The following NUDT6 variants were observed in gnomAD, a reference collection of about 807,000 sequenced individuals.
NUDT6 encodes nudix hydrolase 6.
In NUDT6, 24 loss-of-function variants were observed where a neutral mutation model predicts 36.8. That is an observed-to-expected ratio of 0.65 (90% CI 0.47 to 0.92). The LOEUF (loss-of-function observed/expected upper bound fraction) is 0.92, where lower values mean the gene tolerates loss of function less well. Ranked by LOEUF, NUDT6 falls within the 40% of genes least tolerant of loss-of-function variation. The pLI is 0.00. For synonymous variants in NUDT6, 163 were observed against 157.0 expected, an observed-to-expected ratio of 1.04 and a Z score of -0.29; for missense variants, 388 against 392.8, an observed-to-expected ratio of 0.99 and a Z score of 0.10.
intron 3 of NUDT6, among the ~76,000 whole-genome samples, chr4:122,907,425 G>A (rs897397170): frequency 2.7e-5 from 4 of 148,800 alleles, no homozygotes; most frequent in Admixed American, 6.8e-5. Flanking sequence ...ACCAGCCACC[G>A]CACCTGGCCT....
At chr4:122,904,577 C>T (rs1260999954) in intron 3 of NUDT6, among the ~76,000 whole-genome samples, 1 of 152,118 alleles carries the variant, frequency 6.6e-6, no homozygotes, top group African/African-American at 2.4e-5. Context: ...CTGCCTCAGC[C>T]TTCCAAGTAG....
At chr4:122,920,869 A>G (rs1408755678) in intron 1 of NUDT6, 1 of 152,266 alleles carries the variant, frequency 6.6e-6, no homozygotes. Flanking sequence ...GGGAATGAGG[A>G]TGAGTAAACA....
chr4:122,922,198 G>A, intron 1 of NUDT6, 137 bp downstream of exon 1: 2 of 671,492 alleles, frequency 3.0e-6, no homozygotes, highest in Non-Finnish European at 4.7e-6. Context: ...CAGAAAACAG[G>A]TCCAGGTCAC....
chr4:122,903,742 T>C (rs565678307), intron 3 of NUDT6, among the ~76,000 whole-genome samples: 2 of 152,334 alleles, frequency 1.3e-5, no homozygotes, highest in East Asian at 3.9e-4. Context: ...TCGTGGTTCC[T>C]GTGAGTATCA....
chr4:122,904,972 C>G (rs1003788328), intron 3 of NUDT6, among the ~76,000 whole-genome samples: 1 of 152,108 alleles, frequency 6.6e-6, no homozygotes, highest in Non-Finnish European at 1.5e-5. Flanking sequence ...TGGCACAGAC[C>G]CAAAGAGCGA....
rs1484986322 is a variant in NUDT6 at position 122,912,613 on chromosome 4, A to T, written c.453T>A (p.Phe151Leu). ...CCAGTATTTTTCTAGTACTTTCATC[A>T]AATACAGCTCCTATTAGGGGAAAAA... ...SHQVGVAGAV[F>L]DESTRKILVV... The change falls in exon 3 of 5, where the codon TTT becomes TTA. Residue 151 changes from phenylalanine (F) to leucine (L), a missense_variant. By Grantham distance (22) the Phe-to-Leu change is conservative. Transcript: ENST00000304430. 5.1e-6 allele frequency: 8 copies of T among 1,575,490 alleles called. No individual in the cohort carries two copies. Among genetic ancestry groups the T allele is most frequent in the Non-Finnish European group, 7.0e-6 (8 of 1,145,712 alleles).
intron 3 of NUDT6, among the ~76,000 whole-genome samples, chr4:122,901,061 T>A (rs893632598): frequency 6.6e-6 from 1 of 152,194 alleles, no homozygotes; most frequent in Non-Finnish European, 1.5e-5. Context: ...ATGATCCTTT[T>A]TTTTCCTAAT....
chr4:122,918,006 AAT>A lies in NUDT6; in HGVS notation c.239-304_239-303del, dbSNP rs1334877893. ...ATGTTCTGTAGTTTTAGAGTGGACAAATAAAAGGATTTAAACCGAATCAAATA... is the reference window on the plus strand; with the variant it reads ...ATGTTCTGTAGTTTTAGAGTGGACAAAAAAGGATTTAAACCGAATCAAATA... On this transcript the variant is annotated intron_variant, in intron 1 of 4. Coordinates refer to ENST00000304430, the MANE Select transcript of NUDT6 (RefSeq NM_007083.5). 1.9e-5 allele frequency: 6 copies of A among 319,338 alleles called. No individual in the cohort carries two copies. The Admixed American group carries it at 2.8e-4, about 15-fold the overall frequency. The allele number at this position is 319,338 out of a possible 1,614,324, so 19.8% of individuals were successfully genotyped here.
chr4:122,899,722 T>G (rs1429726657), intron 3 of NUDT6, among the ~76,000 whole-genome samples: 3 of 152,116 alleles, frequency 2.0e-5, no homozygotes, highest in Non-Finnish European at 4.4e-5. Flanking sequence ...TTTGGGAGAC[T>G]GAGATGGGAA....
intron 2 of NUDT6, among the ~76,000 whole-genome samples, chr4:122,915,490 A>AC (rs72506727): frequency 0.41 from 57,552 of 140,576 alleles, 15,341 homozygotes; most frequent in Non-Finnish European, 0.55. Context: ...AAAAAAAAAA[A>AC]AAAAAAAACA....
Position 122,922,559 on chromosome 4 carries a change from A to C in NUDT6, c.14T>G (p.Leu5Arg), listed in dbSNP as rs1396569712. MRQP[L>R]SWGRWRAMLA... ...CATCGCGCGCCAGCGGCCCCAGCTCAGTGGCTGCCGCATCTCCACGCCGCT... is the reference window on the plus strand; with the variant it reads ...CATCGCGCGCCAGCGGCCCCAGCTCCGTGGCTGCCGCATCTCCACGCCGCT... The change falls in exon 1 of 5, where the codon CTG becomes CGG. Residue 5 changes from leucine (L) to arginine (R), a missense_variant. Leu to Arg is a moderately radical substitution (Grantham distance 102). Transcript: ENST00000304430. 1 of 1,599,150 alleles carries C rather than the reference A, an allele frequency of 6.3e-7. No individual in the cohort carries two copies. The highest frequency in any genetic ancestry group is 1.1e-5 in the South Asian group (1 of 90,682).
chr4:122,921,595 C>CAAAAAAAAAAAAAAAAAAAA (rs1307519948), intron 1 of NUDT6: 2 of 35,134 alleles, frequency 5.7e-5, no homozygotes, highest in African/African-American at 2.1e-4. Flanking sequence ...TACCCTCTCT[C>CAAAAAAAAAAAAAAAAAAAA]AAAAAAAAAA....
chr4:122,921,321 T>A (rs1727981045), intron 1 of NUDT6: 1 of 152,170 alleles, frequency 6.6e-6, no homozygotes. Context: ...CAATAAAGAT[T>A]CAGGCTGGGT....
intron 4 of NUDT6, chr4:122,894,230 G>A (rs1442844720): frequency 6.6e-6 from 1 of 152,180 alleles, no homozygotes; most frequent in East Asian, 1.9e-4. Flanking sequence ...TCAATTACAT[G>A]CTGACTTCCC....
In NUDT6 at chr4:122,898,098, T is replaced by A. The variant is rs573960906; in HGVS notation, c.499-420A>T. On this transcript the variant is annotated intron_variant, in intron 3 of 4. Transcript: ENST00000304430. The stretch of plus-strand genomic sequence containing the variant: ...CTAAAATATGCTATTTTAAAATCTA[T>A]TTCCTATATTGTATTTCTAATCAGA... 1.9e-5 allele frequency: 3 copies of A among 161,544 alleles called. No homozygotes were observed. The East Asian group carries it at 5.4e-4, about 29-fold the overall frequency. The allele number at this position is 161,544 out of a possible 1,614,324, so 10.0% of individuals were successfully genotyped here. A position where few individuals can be genotyped will look rare whatever the true frequency, so the allele number is the denominator to read the frequency against.
intron 1 of NUDT6, chr4:122,921,622 A>C (rs1426424292): frequency 3.0e-5 from 4 of 133,448 alleles, no homozygotes; most frequent in East Asian, 4.4e-4. Flanking sequence ...AAAAAAACAA[A>C]CTGTACATTT....
At chr4:122,912,986 T>A (rs779688565) in intron 2 of NUDT6, among the ~76,000 whole-genome samples, 2 of 152,250 alleles carry the variant, frequency 1.3e-5, no homozygotes, top group African/African-American at 4.8e-5. Flanking sequence ...ACTTGTCACA[T>A]GAGGTCAGGT....
chr4:122,921,030 G>T (rs983506973), intron 1 of NUDT6: 1 of 152,100 alleles, frequency 6.6e-6, no homozygotes, highest in African/African-American at 2.4e-5. Context: ...ACCCTCAGAG[G>T]CCGTTTGAAA....
In NUDT6 at chr4:122,912,614, A is replaced by C; in HGVS notation, c.452T>G (p.Phe151Cys). 1 of 1,573,536 alleles carries C rather than the reference A, an allele frequency of 6.4e-7. No homozygotes were observed. Among genetic ancestry groups the C allele is most frequent in the Non-Finnish European group, 8.7e-7 (1 of 1,144,048 alleles). The change falls in exon 3 of 5, where the codon TTT becomes TGT. Residue 151 changes from phenylalanine to cysteine, a missense_variant. Physicochemically the swap from Phe to Cys is radical, Grantham distance 205 (BLOSUM62 -2). Coordinates refer to ENST00000304430, the MANE Select transcript of NUDT6 (RefSeq NM_007083.5). The stretch of plus-strand genomic sequence containing the variant: ...CAGTATTTTTCTAGTACTTTCATCA[A>C]ATACAGCTCCTATTAGGGGAAAAAG... ...SHQVGVAGAV[F>C]DESTRKILVV...
Sources: gnomAD v4.1 joint callset for allele counts (sites outside exome capture counted in the v4.1 genomes callset) on GRCh38, gnomAD v4.1.1 for gene constraint, MANE v1.5 for transcripts, NCBI Gene and HGNC (gene_info 2026-07-23, HGNC 2026-07-21) for gene names.